Variants in PAK4 observed in about 807,000 individuals in gnomAD.
PAK4 encodes the protein p21 (RAC1) activated kinase 4.
A neutral mutation model predicts 53.5 loss-of-function variants in PAK4; 49 were observed. The observed-to-expected ratio is 0.92, with a 90% CI of 0.73 to 1.16. The LOEUF (loss-of-function observed/expected upper bound fraction) is 1.16. PAK4 is among the 50% of genes most tolerant of loss of function. The pLI, the probability that PAK4 is intolerant of heterozygous loss-of-function variation, is 0.00. For missense variants in PAK4, 824 were observed against 850.7 expected, an observed-to-expected ratio of 0.97 and a Z score of 0.39; for synonymous variants, 376 against 375.6, an observed-to-expected ratio of 1.00 and a Z score of -0.01.
At chr19:39,179,761 A>G (rs776175563), downstream of PAK4, 2 of 152,238 alleles carry the variant, frequency 1.3e-5, no homozygotes, top group Non-Finnish European at 2.9e-5. Context: ...CCATTTGGCA[A>G]ATTGGTCAGT....
chr19:39,170,094 C>T (rs529278774), intron 2 of PAK4, among the ~76,000 whole-genome samples: 1 of 152,298 alleles, frequency 6.6e-6, no homozygotes, highest in East Asian at 1.9e-4. Flanking sequence ...CTCACCCAAC[C>T]TTGAGCCTTT....
At chr19:39,149,203 A>G (rs1302048343) in intron 1 of PAK4, among the ~76,000 whole-genome samples, 3 of 152,248 alleles carry the variant, frequency 2.0e-5, no homozygotes, top group African/African-American at 4.8e-5. Flanking sequence ...ACCCAGGCTC[A>G]TCACAGCATT....
At chr19:39,174,997 G>T (rs772066441) in exon 5 of PAK4, 6 of 1,613,846 alleles carry the variant, frequency 3.7e-6, no homozygotes, top group Non-Finnish European at 5.1e-6. Context: ...CCTGGTGGGG[G>T]ACGAGCTCTG....
In PAK4 at chr19:39,148,466, C is replaced by CTTTT. The variant is rs74176491; in HGVS notation, c.-22-21048_-22-21045dup. On this transcript the variant is annotated intron_variant, in intron 1 of 8. Transcript: ENST00000358301. ...TTAGGTACCAAATAAGTTTCTTCTG[C>CTTTT]TTTTTTTTTTTTTTTTTTTTTGAGA... Among the ~76,000 whole-genome samples, 8 of 56,798 alleles carry CTTTT rather than the reference C, an allele frequency of 1.4e-4. 4 individuals carry two copies. Among genetic ancestry groups the CTTTT allele is most frequent in the Non-Finnish European group, 2.3e-4 (8 of 34,646 alleles). The allele number at this position is 56,798 out of a possible 152,430, so 37.3% of individuals were successfully genotyped here. A position where few individuals can be genotyped will look rare whatever the true frequency, so the allele number is the denominator to read the frequency against.
chr19:39,135,585 T>G (rs2073797276), intron 1 of PAK4, among the ~76,000 whole-genome samples: 1 of 151,994 alleles, frequency 6.6e-6, no homozygotes. Flanking sequence ...TCCACCTGCC[T>G]CAGCCTCCCA....
intron 1 of PAK4, 127 bp from the exon 3 acceptor site, chr19:39,169,405 A>G: frequency 1.4e-6 from 1 of 692,202 alleles, no homozygotes; most frequent in Non-Finnish European, 2.5e-6. Flanking sequence ...GGGCAGGGAG[A>G]CCCAGAAGGA....
chr19:39,148,092 C>T (rs1214583767), intron 1 of PAK4, among the ~76,000 whole-genome samples: 1 of 151,484 alleles, frequency 6.6e-6, no homozygotes, highest in African/African-American at 2.4e-5. Flanking sequence ...GCTGGGATTA[C>T]AGGCATGTGC....
In PAK4 at chr19:39,175,468, C is replaced by A; in HGVS notation, c.1359+30C>A. 6.3e-7 allele frequency: 1 copy of A among 1,580,292 alleles called. No individual in the cohort carries two copies. The highest frequency in any genetic ancestry group is 8.6e-7 in the Non-Finnish European group (1 of 1,162,094). On this transcript the variant is annotated intron_variant, in intron 6 of 8. Coordinates refer to ENST00000358301, the Ensembl canonical transcript of PAK4. This position sits in a 1 kb window ranked among gnomAD's most constrained non-coding sequence, Gnocchi z 4.7. ...GGGGACGGGCGGCGGGGTACGGGGG[C>A]GGCAGGTTTCCGGCTGCGGGGCTTC...
intron 2 of PAK4, among the ~76,000 whole-genome samples, chr19:39,172,353 TC>T (rs1452709571): frequency 3.3e-5 from 5 of 152,216 alleles, no homozygotes; most frequent in African/African-American, 1.2e-4. Context: ...CTCTGCCTGG[TC>T]CCCATCTGCA....
At chr19:39,165,399 C>T (rs1461357257) in intron 1 of PAK4, among the ~76,000 whole-genome samples, 3 of 148,910 alleles carry the variant, frequency 2.0e-5, no homozygotes, top group Admixed American at 1.3e-4. Flanking sequence ...CCTATAGTCC[C>T]AGCTACTGGG....
chr19:39,177,748 C>A, exon 8 of PAK4: 1 of 1,613,648 alleles, frequency 6.2e-7, no homozygotes, highest in South Asian at 1.1e-5. Context: ...AACGAGCCAC[C>A]CCTCAAAGCC....
intron 1 of PAK4, among the ~76,000 whole-genome samples, chr19:39,135,965 G>T (rs935813555): frequency 2.6e-5 from 4 of 151,220 alleles, no homozygotes; most frequent in East Asian, 2.0e-4. Flanking sequence ...ACCTGGTGCT[G>T]CGGGCTCCTC....
chr19:39,151,895 A>G (rs1267344780), intron 1 of PAK4, among the ~76,000 whole-genome samples: 1 of 152,100 alleles, frequency 6.6e-6, no homozygotes, highest in Non-Finnish European at 1.5e-5. Flanking sequence ...CAGCCTCCCA[A>G]GTAGCTGGGA....
intron 1 of PAK4, among the ~76,000 whole-genome samples, chr19:39,142,470 C>T (rs990978548): frequency 6.6e-6 from 1 of 152,196 alleles, no homozygotes; most frequent in South Asian, 2.1e-4. Context: ...GAGAAGAACA[C>T]TCTGAAGTCA....
intron 1 of PAK4, among the ~76,000 whole-genome samples, chr19:39,145,619 C>T (rs961900941): frequency 1.3e-5 from 2 of 152,192 alleles, no homozygotes; most frequent in African/African-American, 4.8e-5. Context: ...ACATAGGACC[C>T]AGTTACAGCC....
At position 39,130,295 on chromosome 19, in the gene PAK4, G is replaced by A. The variant is rs12979444; in HGVS notation, c.-23+4376G>A. ...GAAACCCAGGCAGAGGGGTCAGGGC[G>A]GGATGGGGAAACCCAGGCAGAGGGG... is the stretch of plus-strand genomic sequence containing the variant. On this transcript the variant is annotated intron_variant, in intron 1 of 8. Transcript: ENST00000358301. Among the ~76,000 whole-genome samples, 666 of 68,422 alleles carry A rather than the reference G, an allele frequency of 9.7e-3. 1 individual carries two copies. Among genetic ancestry groups the A allele is most frequent in the African/African-American group, 0.016 (292 of 18,358 alleles). 44.9% of individuals were successfully genotyped at this position (68,422 alleles called of 152,430 possible).
chr19:39,176,826 T>G, intron 7 of PAK4, 111 bp downstream of exon 8: 1 of 1,332,410 alleles, frequency 7.5e-7, no homozygotes, highest in Non-Finnish European at 1.0e-6. Flanking sequence ...TTGCCAGGAA[T>G]GGTGCTCTGG....
chr19:39,171,608 A>G (rs1406199560), intron 2 of PAK4, among the ~76,000 whole-genome samples: 1 of 152,254 alleles, frequency 6.6e-6, no homozygotes, highest in East Asian at 1.9e-4. Context: ...CAGGAGAGAC[A>G]GGGCAGCGGC....
At chr19:39,127,975 T>TG (rs1568492818) in intron 1 of PAK4, among the ~76,000 whole-genome samples, 6 of 151,928 alleles carry the variant, frequency 3.9e-5, no homozygotes, top group South Asian at 2.1e-4. Context: ...GGCAAGACGC[T>TG]GAGGGGACTC....
Sources: allele counts gnomAD v4.1 joint callset (sites outside exome capture counted in the v4.1 genomes callset), GRCh38; gene constraint gnomAD v4.1.1; non-coding constraint Gnocchi (gnomAD v3.1); transcripts MANE v1.5; gene names NCBI Gene and HGNC (gene_info 2026-07-23, HGNC 2026-07-21).